The following TIMM23 variants were observed in gnomAD, a reference collection of about 807,000 sequenced individuals.
The protein encoded by TIMM23 is translocase of inner mitochondrial membrane 23.
Under a neutral mutation model 30.7 loss-of-function variants are expected in TIMM23, and 19 were observed. The observed-to-expected ratio is 0.62, with a 90% CI of 0.43 to 0.91. The LOEUF is 0.91. Among genes scored for constraint, TIMM23 ranks in the 40% least tolerant of loss-of-function variants. The probability of loss-of-function intolerance (pLI) is 0.00; values close to 1 mark genes in which losing one functional copy is unlikely to be tolerated. For synonymous variants in TIMM23, 78 were observed against 98.5 expected, an observed-to-expected ratio of 0.79 and a Z score of 1.23; for missense variants, 202 against 269.2, an observed-to-expected ratio of 0.75 and a Z score of 1.75.
At chr10:45,979,425 T>C (rs1160578052) in intron 2 of TIMM23, among the ~76,000 whole-genome samples, 1 of 152,016 alleles carries the variant, frequency 6.6e-6, no homozygotes. Flanking sequence ...TCCTCCCAGA[T>C]AGCTAGGGCT....
At chr10:45,972,854 A>G in intron 1 of TIMM23, 124 bp downstream of exon 1, 2 of 1,521,794 alleles carry the variant, frequency 1.3e-6, no homozygotes, top group Non-Finnish European at 1.8e-6. Context: ...CTTAAGTACC[A>G]GTGGTGGGGT....
chr10:45,991,992 G>C (rs1838177858), intron 6 of TIMM23, among the ~76,000 whole-genome samples: 1 of 151,212 alleles, frequency 6.6e-6, no homozygotes, highest in Non-Finnish European at 1.5e-5. Flanking sequence ...TTTGAGTTGG[G>C]GTCTTGCTCT....
Position 46,003,374 on chromosome 10 carries a change from T to TA in TIMM23, c.*58dup. 2 of 1,227,922 alleles carry TA rather than the reference T, an allele frequency of 1.6e-6. No individual in the cohort carries two copies. Among genetic ancestry groups the TA allele is most frequent in the Non-Finnish European group, 2.4e-6 (2 of 843,268 alleles). 76.1% of individuals were successfully genotyped at this position (1,227,922 alleles called of 1,614,324 possible). A position where few individuals can be genotyped will look rare whatever the true frequency, so the allele number is the denominator to read the frequency against. On this transcript the variant is annotated 3_prime_UTR_variant, in exon 7 of 7. Coordinates refer to ENST00000580018, the MANE Select transcript of TIMM23 (RefSeq NM_006327.4). ...TTCAGTAGTCATCTAGATCCTTTTA[T>TA]AAGACAGTTTGGAGTTATTCTCTCT...
intron 6 of TIMM23, among the ~76,000 whole-genome samples, chr10:45,993,318 TCACAG>T (rs1379896345): frequency 2.0e-5 from 3 of 148,050 alleles, no homozygotes; most frequent in African/African-American, 7.5e-5. Flanking sequence ...TGATCTCGGC[TCACAG>T]CACCCTCTGC....
intron 1 of TIMM23, among the ~76,000 whole-genome samples, chr10:45,974,817 A>G (rs1323303604): frequency 6.6e-6 from 1 of 152,072 alleles, no homozygotes; most frequent in Non-Finnish European, 1.5e-5. Flanking sequence ...AGGTTTGTAA[A>G]TAACTGCTGA....
At chr10:45,980,023 T>G (rs1837798027) in intron 2 of TIMM23, among the ~76,000 whole-genome samples, 2 of 151,756 alleles carry the variant, frequency 1.3e-5, no homozygotes, top group African/African-American at 2.4e-5. Flanking sequence ...CAAAAACTTG[T>G]GAATTCATTC....
chr10:46,003,534 T>G lies in TIMM23; in HGVS notation c.*216T>G. The G allele has an allele frequency of 2.2e-6, 1 of 463,906 alleles. No individual in the cohort carries two copies. The highest frequency in any genetic ancestry group is 2.6e-5 in the South Asian group (1 of 38,590). The allele number at this position is 463,906 out of a possible 1,614,324, so 28.7% of individuals were successfully genotyped here. On this transcript the variant is annotated 3_prime_UTR_variant, in exon 7 of 7. Coordinates refer to ENST00000580018, the MANE Select transcript of TIMM23 (RefSeq NM_006327.4). The stretch of plus-strand genomic sequence containing the variant: ...CAAAGCCCTTTGGTGACTCACTGAG[T>G]ACCATGGTTCTGTTCTCCTCTGGAG...
intron 6 of TIMM23, among the ~76,000 whole-genome samples, chr10:45,994,081 T>C: frequency 6.6e-6 from 1 of 152,080 alleles, no homozygotes; most frequent in South Asian, 2.1e-4. Context: ...GTGGCTCACC[T>C]GTAATCCTAG....
Position 46,003,216 on chromosome 10 carries a change from G to T in TIMM23, c.528G>T (p.Gly176=). 6.2e-7 allele frequency: 1 copy of T among 1,613,954 alleles called. No individual in the cohort carries two copies. Among genetic ancestry groups the T allele is most frequent in the East Asian group, 2.2e-5 (1 of 44,874 alleles). The stretch of plus-strand genomic sequence containing the variant: ...TCTGTTTCCCAGGTGGTCTTCGAGG[G>T]ATAGCACGAGGTGGTCTGACAGGAC... ...MLYKCTGGLR[G]IARGGLTGLT... Residue 176 remains glycine (G), a synonymous_variant, in exon 7 of 7, where the codon GGG becomes GGT. Coordinates refer to ENST00000580018, the MANE Select transcript of TIMM23 (RefSeq NM_006327.4).
At chr10:45,998,193 A>C (rs1345418662) in intron 6 of TIMM23, 2 of 183,744 alleles carry the variant, frequency 1.1e-5, no homozygotes, top group African/African-American at 4.8e-5. Context: ...AATGTTTACT[A>C]TCTGGCCCTT....
chr10:45,997,484 T>C (rs1838379841), intron 6 of TIMM23, among the ~76,000 whole-genome samples: 1 of 152,270 alleles, frequency 6.6e-6, no homozygotes, highest in African/African-American at 2.4e-5. Context: ...GCAGAGAGTT[T>C]CAGTTTTGCA....
At chr10:45,980,703 T>G (rs1410214822) in intron 2 of TIMM23, among the ~76,000 whole-genome samples, 1 of 152,166 alleles carries the variant, frequency 6.6e-6, no homozygotes, top group Non-Finnish European at 1.5e-5. Context: ...GTAATACTAG[T>G]GTCCTGGAGT....
intron 5 of TIMM23, among the ~76,000 whole-genome samples, chr10:45,987,809 GGGT>G (rs1838039860): frequency 6.6e-6 from 1 of 151,606 alleles, no homozygotes; most frequent in Non-Finnish European, 1.5e-5. Context: ...TTAGAGAAGG[GGGT>G]ATCCCTATGT....
intron 6 of TIMM23, among the ~76,000 whole-genome samples, chr10:45,989,421 A>C (rs1278188086): frequency 6.6e-6 from 1 of 152,224 alleles, no homozygotes; most frequent in African/African-American, 2.4e-5. Context: ...GGCTATTGTG[A>C]ATAATGCTGC....
At chr10:45,998,288 A>G (rs1054952655) in intron 6 of TIMM23, 3 of 731,900 alleles carry the variant, frequency 4.1e-6, no homozygotes, top group Non-Finnish European at 5.0e-6. Context: ...CCTATATCCC[A>G]CAAACAAGGC....
At position 45,973,242 on chromosome 10, in the gene TIMM23, A is replaced by C. The variant is rs1262784930; in HGVS notation, c.106+512A>C. Among the ~76,000 whole-genome samples the C allele has an allele frequency of 1.1e-3, 160 of 152,206 alleles. 5 individuals carry two copies. The highest frequency in any genetic ancestry group is 9.8e-4 in the Non-Finnish European group (67 of 68,032). On this transcript the variant is annotated intron_variant, in intron 1 of 6. Coordinates refer to ENST00000580018, the MANE Select transcript of TIMM23 (RefSeq NM_006327.4). ...GGAGCTAGGAAGTAAGCTGAACTTT[A>C]AAGGTGATATATAGACATGAAGAAA...
intron 6 of TIMM23, among the ~76,000 whole-genome samples, chr10:45,994,849 A>G (rs1431414999): frequency 2.0e-5 from 3 of 152,182 alleles, no homozygotes; most frequent in Non-Finnish European, 2.9e-5. Context: ...CAGTGGTGCT[A>G]TACTTAGAGT....
At chr10:45,986,302 A>G (rs1357864090) in intron 5 of TIMM23, among the ~76,000 whole-genome samples, 189 of 152,220 alleles carry the variant, frequency 1.2e-3, no homozygotes, top group African/African-American at 4.2e-3. Flanking sequence ...CCTCCTACAG[A>G]GTCACCCCGC....
At chr10:45,992,777 C>T (rs1172553883) in intron 6 of TIMM23, 28 of 345,096 alleles carry the variant, frequency 8.1e-5, no homozygotes, top group Non-Finnish European at 1.4e-4. Context: ...AGGATGTTCT[C>T]GATCCCCTGA....
Sources: gnomAD v4.1 joint callset for allele counts (sites outside exome capture counted in the v4.1 genomes callset) on GRCh38, gnomAD v4.1.1 for gene constraint, MANE v1.5 for transcripts, NCBI Gene and HGNC (gene_info 2026-07-23, HGNC 2026-07-21) for gene names.